TET3: variants seen among roughly 807,000 people sequenced by gnomAD.
TET3 encodes tet methylcytosine dioxygenase 3.
TET3 carries 19 observed loss-of-function variants against 141.4 expected under a neutral mutation model. The ratio of observed to expected loss-of-function variants is 0.13; its 90% confidence interval spans 0.09 to 0.20. The LOEUF (loss-of-function observed/expected upper bound fraction) is 0.20, where lower values mean the gene tolerates loss of function less well. Among genes scored for constraint, TET3 ranks in the 10% least tolerant of loss-of-function variants. The pLI is 1.00. For missense variants in TET3, 1,874 were observed against 2,356.9 expected (o/e 0.80, Z 4.24); for synonymous variants, 1,043 against 980.9 (o/e 1.06, Z -1.18).
chr2:74,046,611 G>A lies in TET3; in HGVS notation c.694G>A (p.Ala232Thr). The A allele has an allele frequency of 6.2e-7, 1 of 1,614,064 alleles. No individual in the cohort carries two copies. The highest frequency in any genetic ancestry group is 8.5e-7 in the Non-Finnish European group (1 of 1,179,900). Residue 232 changes from alanine to threonine, a missense_variant, in exon 4 of 12, where the codon GCT becomes ACT. Ala to Thr is a moderately conservative substitution (Grantham distance 58, BLOSUM62 0). This residue lies in a region of TET3 where 366 missense variants were observed against 487.0 expected (regional missense o/e 0.75). Transcript: ENST00000409262. This position sits in a 1 kb window ranked among gnomAD's most constrained non-coding sequence, Gnocchi z 4.3. ...ETFNREMSRE[A>T]GNNSRGPRPG... ...CTTCAACCGTGAGATGAGTCGTGAG[G>A]CTGGGAACAACAGCAGGGGACCCCG... is the stretch of plus-strand genomic sequence containing the variant.
At chr2:74,041,024 C>T (rs1244285624) in intron 3 of TET3, among the ~76,000 whole-genome samples, 1 of 152,116 alleles carries the variant, frequency 6.6e-6, no homozygotes, top group East Asian at 1.9e-4. Flanking sequence ...TAAACTGGTC[C>T]CCATCCTCCT....
chr2:73,999,038 A>G (rs1005941274), intron 2 of TET3, among the ~76,000 whole-genome samples: 11 of 152,298 alleles, frequency 7.2e-5, no homozygotes, highest in African/African-American at 2.4e-4. Flanking sequence ...AGACTGGTAT[A>G]ATCAGAGAAG....
chr2:74,109,247 T>G (rs115362734), downstream of TET3, among the ~76,000 whole-genome samples: 2 of 152,314 alleles, frequency 1.3e-5, no homozygotes, highest in African/African-American at 4.8e-5. Flanking sequence ...TCTCTTCTTA[T>G]ACAAGTTCCA....
At chr2:74,079,340 C>T (rs1347656813) in intron 5 of TET3, among the ~76,000 whole-genome samples, 7 of 151,868 alleles carry the variant, frequency 4.6e-5, no homozygotes, top group Non-Finnish European at 8.8e-5. Flanking sequence ...AGTGAGACTC[C>T]GTCTCAAAAA....
chr2:73,986,778 C>T, intron 2 of TET3, 72 bp downstream of exon 2: 3 of 1,203,656 alleles, frequency 2.5e-6, no homozygotes, highest in Non-Finnish European at 3.1e-6. Flanking sequence ...CTTGTTCAAG[C>T]AAGGCTCGTC....
the TET3 span, chr2:74,135,199 C>T: frequency 4.2e-5 from 11 of 263,774 alleles, no homozygotes; most frequent in South Asian, 6.0e-5. Context: ...GAATGATAAA[C>T]GAAAAGAACA....
Position 73,984,967 on chromosome 2 carries a change from T to C in TET3, c.-615T>C, listed in dbSNP as rs1209965767. On this transcript the variant is annotated 5_prime_UTR_variant, in exon 1 of 12. Coordinates refer to ENST00000409262, the MANE Select transcript of TET3 (RefSeq NM_001287491.2). This position sits in a 1 kb window ranked among gnomAD's most constrained non-coding sequence, Gnocchi z 5.6. ...CTGCCGCCGCGGCCGCCGCTGCCTC[T>C]TCCTTCCTCCTGCGCCGTCCCCTCC... Among the ~76,000 whole-genome samples, 2 of 146,096 alleles carry C rather than the reference T, an allele frequency of 1.4e-5. No individual in the cohort carries two copies. Among genetic ancestry groups the C allele is most frequent in the Admixed American group, 6.8e-5 (1 of 14,800 alleles).
At chr2:74,056,589 CAT>C (rs1688230851) in intron 4 of TET3, among the ~76,000 whole-genome samples, 1 of 152,040 alleles carries the variant, frequency 6.6e-6, no homozygotes, top group Non-Finnish European at 1.5e-5. Context: ...CAAAACAAGA[CAT>C]AAAATAGATC....
At chr2:73,988,999 G>GTTTTTTTTT in intron 2 of TET3, among the ~76,000 whole-genome samples, 1 of 107,780 alleles carries the variant, frequency 9.3e-6, no homozygotes, top group Non-Finnish European at 1.8e-5. Flanking sequence ...AGTTTTTTTT[G>GTTTTTTTTT]TTTTTTTTTT....
rs1691425321 is a variant in TET3 at position 74,105,106 on chromosome 2, A to G, written c.*2930A>G. ...CAAATTTTTATTTTTTACTGGCACTATCATTTTTTAAGTCCTAAAGATGAT... is the reference window on the plus strand; with the variant it reads ...CAAATTTTTATTTTTTACTGGCACTGTCATTTTTTAAGTCCTAAAGATGAT... On this transcript the variant is annotated 3_prime_UTR_variant, in exon 12 of 12. Transcript: ENST00000409262. 1 of 398,474 alleles carries G rather than the reference A, an allele frequency of 2.5e-6. No homozygotes were observed. The highest frequency in any genetic ancestry group is 4.4e-6 in the Non-Finnish European group (1 of 226,078). The allele number at this position is 398,474 out of a possible 1,614,324, so 24.7% of individuals were successfully genotyped here. A position where few individuals can be genotyped will look rare whatever the true frequency, so the allele number is the denominator to read the frequency against.
At chr2:74,012,431 G>A (rs1216129125) in intron 3 of TET3, among the ~76,000 whole-genome samples, 3 of 152,160 alleles carry the variant, frequency 2.0e-5, no homozygotes, top group Non-Finnish European at 4.4e-5. Flanking sequence ...ACCATGTGTG[G>A]GGCAGGCACA....
At chr2:73,988,998 T>TG (rs1684192259) in intron 2 of TET3, among the ~76,000 whole-genome samples, 1 of 135,240 alleles carries the variant, frequency 7.4e-6, no homozygotes, top group Non-Finnish European at 1.7e-5. Flanking sequence ...AAGTTTTTTT[T>TG]GTTTTTTTTT....
At chr2:73,987,282 G>A (rs1684082349) in intron 2 of TET3, among the ~76,000 whole-genome samples, 1 of 152,108 alleles carries the variant, frequency 6.6e-6, no homozygotes, top group South Asian at 2.1e-4. Context: ...CTGTGTTCTC[G>A]GGACCTGGCA....
At chr2:74,113,006 CAAAAAAAAAAAAAAAAAAAA>C (rs60299737), downstream of TET3, among the ~76,000 whole-genome samples, 1 of 34,400 alleles carries the variant, frequency 2.9e-5, no homozygotes, top group African/African-American at 1.0e-4. Context: ...GACTCCGTCT[CAAAAAAAAAAAAAAAAAAAA>C]AAAAAAAAAC....
chr2:74,072,305 G>A (rs1689253107), intron 4 of TET3, among the ~76,000 whole-genome samples: 2 of 152,170 alleles, frequency 1.3e-5, no homozygotes, highest in African/African-American at 4.8e-5. Context: ...CTGAGGTCAG[G>A]AGTTCGAGAC....
chr2:74,018,567 G>A (rs1368822746), intron 3 of TET3, among the ~76,000 whole-genome samples: 1 of 152,096 alleles, frequency 6.6e-6, no homozygotes, highest in Non-Finnish European at 1.5e-5. Flanking sequence ...TTGGGTATTT[G>A]TAGTTTCCCT....
Position 74,047,767 on chromosome 2 carries a change from CACA to C in TET3, c.1851_1853del (p.Gln618del), listed in dbSNP as rs768009669. On this transcript the variant is annotated inframe_deletion, in exon 4 of 12. Transcript: ENST00000409262. Reference sequence around the variant, plus strand: ...ATCAAGAAGTCCAGGCCCCGGGAAGCACAGCCCCTCTTCCCACCTGTCCGACAG... The same window carrying C: ...ATCAAGAAGTCCAGGCCCCGGGAAGCGCCCCTCTTCCCACCTGTCCGACAG... 11 of 1,613,792 alleles carry C rather than the reference CACA, an allele frequency of 6.8e-6. No individual in the cohort carries two copies. In the East Asian group the frequency reaches 1.8e-4, roughly 26 times the overall value.
At chr2:74,065,731 C>G (rs866249267) in intron 4 of TET3, among the ~76,000 whole-genome samples, 11 of 142,110 alleles carry the variant, frequency 7.7e-5, no homozygotes, top group Middle Eastern at 3.5e-3. Flanking sequence ...CCTTTTCTTT[C>G]CCTTTCTTTC....
At chr2:74,124,351 G>A in the TET3 span, among the ~76,000 whole-genome samples, 1 of 150,838 alleles carries the variant, frequency 6.6e-6, no homozygotes, top group East Asian at 2.0e-4. Flanking sequence ...CCGTCCGGGA[G>A]GTGAGGGTCG....
Sources: gnomAD v4.1 joint callset for allele counts (sites outside exome capture counted in the v4.1 genomes callset) on GRCh38, gnomAD v4.1.1 for gene constraint, gnomAD v4.1.1 regional missense constraint, Gnocchi (gnomAD v3.1) non-coding constraint, MANE v1.5 for transcripts, NCBI Gene and HGNC (gene_info 2026-07-23, HGNC 2026-07-21) for gene names.